Variants in NKAIN3 observed in about 807,000 individuals in gnomAD.
NKAIN3 encodes the protein sodium/potassium transporting ATPase interacting 3.
NKAIN3 carries 25 observed loss-of-function variants against 30.2 expected under a neutral mutation model. The observed-to-expected ratio is 0.83, with a 90% CI of 0.60 to 1.16. The LOEUF (loss-of-function observed/expected upper bound fraction) is 1.16. Ranked by LOEUF, NKAIN3 falls within the 50% of genes most tolerant of loss-of-function variation. The pLI is 0.00. For missense variants in NKAIN3, 225 were observed against 254.1 expected (o/e 0.89, Z 0.78); for synonymous variants, 91 against 89.6 (o/e 1.02, Z -0.09).
intron 4 of NKAIN3, among the ~76,000 whole-genome samples, chr8:62,796,274 C>G (rs1283946698): frequency 6.7e-6 from 1 of 149,894 alleles, no homozygotes; most frequent in Non-Finnish European, 1.5e-5. Flanking sequence ...ATCCCAGCTA[C>G]TCCAGAGGTT....
At chr8:62,320,348 G>T (rs911591645) in intron 1 of NKAIN3, among the ~76,000 whole-genome samples, 2 of 152,054 alleles carry the variant, frequency 1.3e-5, no homozygotes, top group Non-Finnish European at 2.9e-5. Flanking sequence ...GGATAATATT[G>T]TTATGTGTGT....
chr8:62,364,828 C>CAAAAAAAAAAAAAAAA (rs58784999), intron 1 of NKAIN3, among the ~76,000 whole-genome samples: 9 of 63,758 alleles, frequency 1.4e-4, no homozygotes, highest in African/African-American at 2.0e-4. Context: ...GACTCCACTA[C>CAAAAAAAAAAAAAAAA]AAAAAAAAAA....
chr8:62,494,414 T>C (rs1376814625), intron 1 of NKAIN3, among the ~76,000 whole-genome samples: 1 of 152,166 alleles, frequency 6.6e-6, no homozygotes, highest in Non-Finnish European at 1.5e-5. Context: ...GCTGCTGGAT[T>C]TGGTCTGCAA....
chr8:62,726,032 A>C (rs1815246118), intron 3 of NKAIN3, among the ~76,000 whole-genome samples: 1 of 151,892 alleles, frequency 6.6e-6, no homozygotes, highest in Non-Finnish European at 1.5e-5. Context: ...ATGTTTTATA[A>C]TTTTTATTGT....
chr8:62,256,600 G>A (rs999213318), intron 1 of NKAIN3, among the ~76,000 whole-genome samples: 2 of 152,178 alleles, frequency 1.3e-5, no homozygotes, highest in Admixed American at 1.3e-4. Flanking sequence ...GAGACTGCCT[G>A]TCCTCTGCAC....
intron 1 of NKAIN3, chr8:62,474,281 A>G (rs1321258814): frequency 6.6e-6 from 1 of 152,232 alleles, no homozygotes; most frequent in Non-Finnish European, 1.5e-5. Context: ...TGAACTAAGC[A>G]CCAGAGGGAC....
chr8:62,945,737 C>T (rs569068634), intron 5 of NKAIN3, among the ~76,000 whole-genome samples: 291 of 152,232 alleles, frequency 1.9e-3, no homozygotes, highest in Non-Finnish European at 2.6e-3. Flanking sequence ...TCTCTTATTG[C>T]CGCCCTTCTC....
intron 1 of NKAIN3, among the ~76,000 whole-genome samples, chr8:62,415,206 T>G (rs1804403107): frequency 1.4e-5 from 2 of 142,276 alleles, no homozygotes; most frequent in Admixed American, 1.5e-4. Flanking sequence ...AGTATATATA[T>G]TATATTATTT....
intron 1 of NKAIN3, among the ~76,000 whole-genome samples, chr8:62,478,206 G>T (rs143417283): frequency 2.6e-5 from 4 of 152,218 alleles, no homozygotes; most frequent in Non-Finnish European, 4.4e-5. Flanking sequence ...AGGAAACTGA[G>T]ACATAGTTAA....
Position 62,959,747 on chromosome 8 carries a change from G to A in NKAIN3, c.604-5607G>A, listed in dbSNP as rs1023416688. ...CGCTCCTATCAGTGGCTGTCTCACT[G>A]TTCCCACTACTAAGGGTGGAGCCCC... On this transcript the variant is annotated intron_variant, in intron 6 of 6. Transcript: ENST00000623646. Among the ~76,000 whole-genome samples, 3 of 152,262 alleles carry A rather than the reference G, an allele frequency of 2.0e-5. 1 individual carries two copies. Among genetic ancestry groups the A allele is most frequent in the Admixed American group, 2.0e-4 (3 of 15,292 alleles).
In NKAIN3 at chr8:62,320,074, T is replaced by C. The variant is rs537650024; in HGVS notation, c.54+70947T>C. Among the ~76,000 whole-genome samples, 1,367 of 152,324 alleles carry C rather than the reference T, an allele frequency of 9.0e-3. 30 individuals are homozygous for C. The highest frequency in any genetic ancestry group is 0.031 in the African/African-American group (1,291 of 41,568). On this transcript the variant is annotated intron_variant, in intron 1 of 6. Coordinates refer to ENST00000623646, the MANE Select transcript of NKAIN3 (RefSeq NM_001304533.3). The stretch of plus-strand genomic sequence containing the variant: ...GCTCTTCTTGTTGAATTGATCCCTT[T>C]ACCATTATGTAATGGCCTTCTTTGT...
intron 4 of NKAIN3, among the ~76,000 whole-genome samples, chr8:62,806,981 A>G (rs992609541): frequency 5.3e-5 from 8 of 152,102 alleles, no homozygotes; most frequent in African/African-American, 1.9e-4. Context: ...AACATGGTCC[A>G]CTGATGACCC....
At chr8:62,951,633 A>T (rs555597528) in intron 5 of NKAIN3, among the ~76,000 whole-genome samples, 208 of 150,568 alleles carry the variant, frequency 1.4e-3, no homozygotes, top group Middle Eastern at 0.01. Context: ...TAATTTTTGA[A>T]TTTTTTTTTA....
intron 4 of NKAIN3, among the ~76,000 whole-genome samples, chr8:62,904,888 A>C (rs1390203129): frequency 2.0e-5 from 3 of 152,222 alleles, no homozygotes; most frequent in African/African-American, 7.2e-5. Context: ...TTCAAGGAGT[A>C]TGATGATGTG....
chr8:62,566,595 T>G (rs1435069178), intron 1 of NKAIN3, among the ~76,000 whole-genome samples: 1 of 152,186 alleles, frequency 6.6e-6, no homozygotes, highest in Non-Finnish European at 1.5e-5. Context: ...TCCACATTAC[T>G]TTAATCATAT....
chr8:62,702,254 T>G (rs182391120), intron 3 of NKAIN3, among the ~76,000 whole-genome samples: 2 of 152,334 alleles, frequency 1.3e-5, no homozygotes, highest in Admixed American at 6.5e-5. Flanking sequence ...AATTTGAGTA[T>G]GTCATGTGTA....
intron 1 of NKAIN3, among the ~76,000 whole-genome samples, chr8:62,334,070 G>GAAGATTGCTACTCAGTATTAATCACA (rs1238187895): frequency 2.0e-5 from 3 of 152,058 alleles, no homozygotes; most frequent in African/African-American, 7.2e-5. Flanking sequence ...TGAGCCGTGT[G>GAAGATTGCTACTCAGTATTAATCACA]AAGATTGCTA....
rs550414778 is a variant in NKAIN3, at chr8:62,967,524, T to C, written c.*2117T>C. Among the ~76,000 whole-genome samples, 3 of 152,184 alleles carry C rather than the reference T, an allele frequency of 2.0e-5. No individual in the cohort carries two copies. The highest frequency in any genetic ancestry group is 3.9e-4 in the East Asian group (2 of 5,188). ...GCTCTTGCTTTCCACTCAAGCGCTA[T>C]GAAGAGCCCACAGAAACAACAAACT... On this transcript the variant is annotated 3_prime_UTR_variant, in exon 7 of 7. Transcript: ENST00000623646.
At chr8:62,662,376 G>A (rs1812972510) in intron 3 of NKAIN3, among the ~76,000 whole-genome samples, 1 of 152,174 alleles carries the variant, frequency 6.6e-6, no homozygotes, top group Admixed American at 6.5e-5. Flanking sequence ...GAGGGTCACA[G>A]TGTCTTTCTA....
Sources: allele counts gnomAD v4.1 joint callset (sites outside exome capture counted in the v4.1 genomes callset), GRCh38; gene constraint gnomAD v4.1.1; transcripts MANE v1.5; gene names NCBI Gene and HGNC (gene_info 2026-07-23, HGNC 2026-07-21).